FGF12: variants seen among roughly 807,000 people sequenced by gnomAD.
FGF12 encodes fibroblast growth factor 12B.
FGF12 carries 14 observed loss-of-function variants against 23.6 expected under a neutral mutation model. The ratio of observed to expected loss-of-function variants is 0.59; its 90% CI spans 0.39 to 0.93. The LOEUF is 0.93. FGF12 is among the 40% of genes least tolerant of loss of function. FGF12 has a pLI of 0.00. For synonymous variants in FGF12, 62 were observed against 77.3 expected, an observed-to-expected ratio of 0.80 and a Z score of 1.04; for missense variants, 175 against 217.8, an observed-to-expected ratio of 0.80 and a Z score of 1.24.
intron 2 of FGF12, among the ~76,000 whole-genome samples, chr3:192,440,279 C>T (rs1477055743): frequency 6.6e-6 from 1 of 152,058 alleles, no homozygotes; most frequent in African/African-American, 2.4e-5. Flanking sequence ...AAATGAAAAA[C>T]ACTGCATTTT....
chr3:192,548,144 T>C (rs1422725653), intron 2 of FGF12, among the ~76,000 whole-genome samples: 2 of 152,160 alleles, frequency 1.3e-5, no homozygotes, highest in Non-Finnish European at 2.9e-5. Flanking sequence ...ACATTTCCTG[T>C]TTTTTAAGTG....
chr3:192,537,950 C>CATTTTTTTTTTTTTTTTT (rs1725267584), intron 2 of FGF12, among the ~76,000 whole-genome samples: 2 of 121,398 alleles, frequency 1.6e-5, no homozygotes, highest in Admixed American at 8.6e-5. Flanking sequence ...AGCCTTTAAC[C>CATTTTTTTTTTTTTTTTT]TTTTTTTTTT....
rs10663137 is a variant in FGF12 at position 192,305,666 on chromosome 3, GAAAA to G, written c.228+29691_228+29694del. ...AATAAGGGAGAGAAAGGTGGCTTAG[GAAAA>G]AAAAAAAAAATATATATATATATAT... On this transcript the variant is annotated intron_variant, in intron 4 of 5. Coordinates refer to ENST00000445105, the MANE Select transcript of FGF12 (RefSeq NM_004113.6). Among the ~76,000 whole-genome samples, 1,194 of 125,170 alleles carry G rather than the reference GAAAA, an allele frequency of 9.5e-3. 24 individuals carry two copies. The highest frequency in any genetic ancestry group is 0.034 in the African/African-American group (1,148 of 33,336). 82.1% of individuals were successfully genotyped at this position (125,170 alleles called of 152,430 possible).
intron 2 of FGF12, among the ~76,000 whole-genome samples, chr3:192,481,209 T>A (rs1390409233): frequency 6.6e-6 from 1 of 152,172 alleles, no homozygotes; most frequent in East Asian, 1.9e-4. Flanking sequence ...TTATCAGCAT[T>A]CTTCAAAATA....
chr3:192,596,418 C>T (rs1713857203), intron 2 of FGF12, among the ~76,000 whole-genome samples: 2 of 152,050 alleles, frequency 1.3e-5, no homozygotes, highest in African/African-American at 4.8e-5. Context: ...TGATACATTT[C>T]TATGTATGAC....
chr3:192,239,224 T>A (rs1424841917), intron 4 of FGF12, among the ~76,000 whole-genome samples: 2 of 152,210 alleles, frequency 1.3e-5, no homozygotes, highest in East Asian at 3.9e-4. Flanking sequence ...AATGGTAGCA[T>A]CCATGCACTT....
At chr3:192,561,028 G>A (rs968222112) in intron 2 of FGF12, among the ~76,000 whole-genome samples, 1 of 152,120 alleles carries the variant, frequency 6.6e-6, no homozygotes, top group East Asian at 1.9e-4. Context: ...ATTATGCTAA[G>A]TGAAAGAAGA....
At chr3:192,301,995 G>C (rs1336213975) in intron 4 of FGF12, among the ~76,000 whole-genome samples, 1 of 152,080 alleles carries the variant, frequency 6.6e-6, no homozygotes, top group Non-Finnish European at 1.5e-5. Context: ...ATGATGAAGA[G>C]AATAAGAGAA....
At position 192,257,872 on chromosome 3, in the gene FGF12, CGGCTTGACTTCTGAGAG is replaced by C. The variant is rs531631014; in HGVS notation, c.228+77472_228+77488del. Among the ~76,000 whole-genome samples, 43 of 151,978 alleles carry C rather than the reference CGGCTTGACTTCTGAGAG, an allele frequency of 2.8e-4. No homozygotes were observed. In the South Asian group the frequency reaches 5.0e-3, roughly 18 times the overall value. On this transcript the variant is annotated intron_variant, in intron 4 of 5. Coordinates refer to ENST00000445105, the MANE Select transcript of FGF12 (RefSeq NM_004113.6). ...ACGATATTATTCTATTTTTGAACTT[CGGCTTGACTTCTGAGAG>C]GGCTTGACTTCTGAGAGGGCTTGAC...
At chr3:192,249,604 G>A (rs892775238) in intron 4 of FGF12, among the ~76,000 whole-genome samples, 16 of 151,916 alleles carry the variant, frequency 1.1e-4, no homozygotes, top group Admixed American at 5.3e-4. Flanking sequence ...TCCAGCTTTC[G>A]TTGCTAGGGA....
At chr3:192,335,563 A>T (rs1397426571) in intron 3 of FGF12, 99 bp from the exon 4 acceptor site, 24 of 756,222 alleles carry the variant, frequency 3.2e-5, no homozygotes, top group Admixed American at 2.1e-4. Flanking sequence ...TATTAATTGA[A>T]CTTGGTAGAA....
At chr3:192,168,898 G>C (rs1458848762) in intron 5 of FGF12, among the ~76,000 whole-genome samples, 1 of 152,174 alleles carries the variant, frequency 6.6e-6, no homozygotes, top group East Asian at 1.9e-4. Flanking sequence ...CGAATGTTTA[G>C]TTCTACTTGA....
chr3:192,616,506 G>C (rs1714759387), intron 2 of FGF12, among the ~76,000 whole-genome samples: 1 of 152,002 alleles, frequency 6.6e-6, no homozygotes, highest in Non-Finnish European at 1.5e-5. Context: ...TGGACACACA[G>C]AGCCTTTGAG....
chr3:192,206,879 C>T (rs1413921140), intron 4 of FGF12, among the ~76,000 whole-genome samples: 1 of 152,158 alleles, frequency 6.6e-6, no homozygotes, highest in East Asian at 1.9e-4. Context: ...CTGGAAGCTG[C>T]CCCTGAAGCT....
At chr3:192,330,367 G>A (rs572123653) in intron 4 of FGF12, among the ~76,000 whole-genome samples, 1 of 152,086 alleles carries the variant, frequency 6.6e-6, no homozygotes, top group South Asian at 2.1e-4. Context: ...GTATGGTACT[G>A]GCACAAAGAG....
At chr3:192,405,215 T>C (rs772451798) in intron 2 of FGF12, among the ~76,000 whole-genome samples, 1 of 151,126 alleles carries the variant, frequency 6.6e-6, no homozygotes, top group African/African-American at 2.5e-5. Context: ...TACCTAGTCA[T>C]TTCCCATGTT....
chr3:192,210,473 G>A (rs1717872920), intron 4 of FGF12, among the ~76,000 whole-genome samples: 2 of 152,164 alleles, frequency 1.3e-5, no homozygotes, highest in South Asian at 4.1e-4. Context: ...GTAATATATG[G>A]GGCTTTGGCT....
At chr3:192,357,254 C>T (rs1157589530) in intron 3 of FGF12, among the ~76,000 whole-genome samples, 1 of 152,058 alleles carries the variant, frequency 6.6e-6, no homozygotes, top group East Asian at 1.9e-4. Flanking sequence ...GAGGCCGAGG[C>T]GGGTGGATCA....
chr3:192,195,768 G>A lies in FGF12; in HGVS notation c.229-25112C>T, dbSNP rs182918528. 5.5e-3 allele frequency among the ~76,000 whole-genome samples: 837 copies of A among 152,062 alleles called. 6 individuals are homozygous for A. Among genetic ancestry groups the A allele is most frequent in the African/African-American group, 0.019 (803 of 41,484 alleles). On this transcript the variant is annotated intron_variant, in intron 4 of 5. Transcript: ENST00000445105. The stretch of plus-strand genomic sequence containing the variant: ...TATATGTATGTATGTATGTATGTGT[G>A]TATACACACACACACGCACACACAC...
Sources: allele counts gnomAD v4.1 joint callset (sites outside exome capture counted in the v4.1 genomes callset), GRCh38; gene constraint gnomAD v4.1.1; transcripts MANE v1.5; gene names NCBI Gene and HGNC (gene_info 2026-07-23, HGNC 2026-07-21).